LRRTM4: variants seen among roughly 807,000 people sequenced by gnomAD.
The protein encoded by LRRTM4 is leucine rich repeat transmembrane neuronal 4, also known as leucine-rich repeat transmembrane neuronal protein 4.
In LRRTM4, 25 loss-of-function variants were observed where a neutral mutation model predicts 47.6. The ratio of observed to expected loss-of-function variants is 0.53; its 90% CI spans 0.38 to 0.73. The LOEUF (loss-of-function observed/expected upper bound fraction) is 0.73. Among genes scored for constraint, LRRTM4 ranks in the 30% least tolerant of loss-of-function variants. LRRTM4 has a pLI of 0.00. For synonymous variants in LRRTM4, 311 were observed against 269.5 expected (o/e 1.15, Z -1.51); for missense variants, 638 against 713.4 (o/e 0.89, Z 1.20).
chr2:77,442,725 A>C (rs769245502), intron 3 of LRRTM4, among the ~76,000 whole-genome samples: 22 of 152,226 alleles, frequency 1.4e-4, no homozygotes, highest in Non-Finnish European at 3.1e-4. Flanking sequence ...AATGGTGAGC[A>C]ACAAAAGCTA....
chr2:77,073,994 TTATA>T (rs1019254025), intron 3 of LRRTM4, among the ~76,000 whole-genome samples: 74 of 152,304 alleles, frequency 4.9e-4, no homozygotes, highest in African/African-American at 1.8e-3. Flanking sequence ...ATGGTTCTTC[TTATA>T]AATAACATAT....
At chr2:76,918,361 A>C (rs1466698716) in intron 3 of LRRTM4, among the ~76,000 whole-genome samples, 2 of 152,180 alleles carry the variant, frequency 1.3e-5, no homozygotes, top group Non-Finnish European at 2.9e-5. Context: ...ATATTAATTT[A>C]CTTTCTGTCA....
At chr2:76,779,947 G>T (rs1674268550) in intron 3 of LRRTM4, among the ~76,000 whole-genome samples, 1 of 151,908 alleles carries the variant, frequency 6.6e-6, no homozygotes, top group Non-Finnish European at 1.5e-5. Flanking sequence ...GCTCTTGTAA[G>T]GCAGGCCTGG....
chr2:76,773,318 C>A lies in LRRTM4; in HGVS notation c.1552-24402G>T, dbSNP rs542429915. On this transcript the variant is annotated intron_variant, in intron 3 of 3. Coordinates refer to ENST00000409884, the MANE Select transcript of LRRTM4 (RefSeq NM_001134745.3). ...TCACTAGCTCAGTCCAGGGCTTACA[C>A]ACTTTTCTGCCTTTGCTTCCAGCAA... Among the ~76,000 whole-genome samples the A allele has an allele frequency of 1.1e-3, 175 of 152,330 alleles. 1 individual carries two copies. The highest frequency in any genetic ancestry group is 1.0e-3 in the Non-Finnish European group (71 of 68,022).
intron 3 of LRRTM4, among the ~76,000 whole-genome samples, chr2:76,762,434 C>T (rs1673291843): frequency 6.6e-6 from 1 of 152,038 alleles, no homozygotes; most frequent in African/African-American, 2.4e-5. Flanking sequence ...AAATTCTACC[C>T]TCACCTCTCA....
intron 3 of LRRTM4, among the ~76,000 whole-genome samples, chr2:77,322,604 G>T (rs967414581): frequency 6.6e-6 from 1 of 151,680 alleles, no homozygotes; most frequent in Non-Finnish European, 1.5e-5. Flanking sequence ...AATGGCTTCG[G>T]GGGAAAACTG....
At chr2:77,120,389 G>C (rs1671494654) in intron 3 of LRRTM4, among the ~76,000 whole-genome samples, 1 of 151,706 alleles carries the variant, frequency 6.6e-6, no homozygotes, top group African/African-American at 2.4e-5. Context: ...TGGAACTTGG[G>C]CAAAAATTGA....
Position 76,881,444 on chromosome 2 carries a change from T to C in LRRTM4, c.1552-132528A>G, listed in dbSNP as rs548093680. Among the ~76,000 whole-genome samples the C allele has an allele frequency of 4.0e-5, 6 of 151,836 alleles. No individual in the cohort carries two copies. In the South Asian group the frequency reaches 1.0e-3, roughly 26 times the overall value. On this transcript the variant is annotated intron_variant, in intron 3 of 3. Transcript: ENST00000409884. ...GCTATTACCTAAGAATAAGACTTTT[T>C]TGAGTTGAGAGGCTTGCTAAAGACT...
At chr2:77,165,548 C>T (rs1672856991) in intron 3 of LRRTM4, among the ~76,000 whole-genome samples, 1 of 152,124 alleles carries the variant, frequency 6.6e-6, no homozygotes, top group African/African-American at 2.4e-5. Flanking sequence ...AACATTGATG[C>T]AAAAATCCTC....
chr2:77,504,329 A>G (rs1254184257), intron 3 of LRRTM4, among the ~76,000 whole-genome samples: 1 of 151,608 alleles, frequency 6.6e-6, no homozygotes, highest in African/African-American at 2.4e-5. Flanking sequence ...CATAAAGTCT[A>G]AAATATTGAC....
At chr2:76,973,829 T>C (rs1390412756) in intron 3 of LRRTM4, among the ~76,000 whole-genome samples, 1 of 151,910 alleles carries the variant, frequency 6.6e-6, no homozygotes, top group African/African-American at 2.4e-5. Flanking sequence ...TTTCCCATCA[T>C]TTGTCATTTA....
chr2:76,905,483 G>GA (rs1204169273), intron 3 of LRRTM4, among the ~76,000 whole-genome samples: 4 of 152,230 alleles, frequency 2.6e-5, no homozygotes, highest in Middle Eastern at 3.4e-3. Flanking sequence ...ACCAGCAATG[G>GA]AAAAAAGCTG....
rs533432555 is a variant in LRRTM4 at position 76,808,178 on chromosome 2, G to A, written c.1552-59262C>T. On this transcript the variant is annotated intron_variant, in intron 3 of 3. Transcript: ENST00000409884. ...AGGGATTACAGGCGCCCGCCACGAC[G>A]CCAGGCTAATTTTGTATTTTTAGTA... 5.9e-5 allele frequency among the ~76,000 whole-genome samples: 9 copies of A among 151,406 alleles called. No homozygotes were observed. The South Asian group carries it at 1.5e-3, about 25-fold the overall frequency.
chr2:77,350,352 A>G (rs1215049175), intron 3 of LRRTM4, among the ~76,000 whole-genome samples: 3 of 149,128 alleles, frequency 2.0e-5, no homozygotes, highest in Non-Finnish European at 4.5e-5. Flanking sequence ...AAAAAAAAAA[A>G]AAAAAAAAAA....
chr2:77,480,431 G>C (rs972484012), intron 3 of LRRTM4, among the ~76,000 whole-genome samples: 1 of 152,076 alleles, frequency 6.6e-6, no homozygotes, highest in Non-Finnish European at 1.5e-5. Context: ...TAATGTGTTA[G>C]CAATGCAAAG....
At chr2:76,900,963 T>G (rs1397521990) in intron 3 of LRRTM4, among the ~76,000 whole-genome samples, 1 of 147,906 alleles carries the variant, frequency 6.8e-6, no homozygotes, top group Non-Finnish European at 1.5e-5. Flanking sequence ...CATTTCTTTC[T>G]CTCTTTTTTT....
intron 3 of LRRTM4, among the ~76,000 whole-genome samples, chr2:76,951,825 C>G (rs908092312): frequency 2.0e-5 from 3 of 151,818 alleles, no homozygotes; most frequent in Non-Finnish European, 4.4e-5. Context: ...TGTTCCCCTC[C>G]CTGTGTCCAT....
intron 3 of LRRTM4, among the ~76,000 whole-genome samples, chr2:77,135,687 T>C (rs1028634552): frequency 1.2e-4 from 18 of 152,098 alleles, no homozygotes; most frequent in East Asian, 5.8e-4. Context: ...CAATGAAAAA[T>C]TGAGTATAAG....
At chr2:77,324,347 T>C (rs1444162934) in intron 3 of LRRTM4, among the ~76,000 whole-genome samples, 2 of 152,102 alleles carry the variant, frequency 1.3e-5, no homozygotes, top group Admixed American at 1.3e-4. Context: ...GACAGATTAT[T>C]AAATAGGTAA....
Sources: gnomAD v4.1 joint callset for allele counts (sites outside exome capture counted in the v4.1 genomes callset) on GRCh38, gnomAD v4.1.1 for gene constraint, MANE v1.5 for transcripts, NCBI Gene and HGNC (gene_info 2026-07-23, HGNC 2026-07-21) for gene names.